The following PPL variants were observed in gnomAD, a reference collection of about 807,000 sequenced individuals.
PPL encodes the protein 190 kDa paraneoplastic pemphigus antigen.
A neutral mutation model predicts 194.4 loss-of-function variants in PPL; 198 were observed. The ratio of observed to expected loss-of-function variants is 1.02; its 90% CI spans 0.91 to 1.15. PPL has a LOEUF of 1.15. PPL is among the 50% of genes most tolerant of loss of function. The probability of loss-of-function intolerance (pLI) is 0.00; values close to 1 mark genes in which losing one functional copy is unlikely to be tolerated. For synonymous variants in PPL, 1,220 were observed against 972.4 expected (o/e 1.25, Z -4.74); for missense variants, 2,885 against 2,294.8 (o/e 1.26, Z -5.25).
chr16:4,936,609 C>G (rs2089301787), intron 1 of PPL, among the ~76,000 whole-genome samples: 1 of 152,220 alleles, frequency 6.6e-6, no homozygotes, highest in Non-Finnish European at 1.5e-5. Flanking sequence ...AAAACTCCGC[C>G]CCCTCATCCA....
intron 12 of PPL, chr16:4,893,839 C>G: frequency 1.7e-6 from 1 of 575,908 alleles, no homozygotes; most frequent in East Asian, 2.8e-5. Context: ...CCTCCTCTTT[C>G]GTAGGAAGTC....
At position 4,904,040 on chromosome 16, in the gene PPL, C is replaced by A. The variant is rs1458901680; in HGVS notation, c.163G>T (p.Asp55Tyr). ...IVDTEAKMQSDLARLQEGRQP... is the reference protein window; with the variant it reads ...IVDTEAKMQSYLARLQEGRQP... ...CGACCCTCCTGCAGCCGAGCCAGGT[C>A]CTGTGAGGGTCACAAGAGAGGGGAC... Residue 55 changes from aspartate (D) to tyrosine (Y), a missense_variant and splice_region_variant, in exon 3 of 22, where the codon GAC (aspartate) becomes TAC (tyrosine). Transcript: ENST00000345988. 1 of 1,611,006 alleles carries A rather than the reference C, an allele frequency of 6.2e-7. No homozygotes were observed. The highest frequency in any genetic ancestry group is 8.5e-7 in the Non-Finnish European group (1 of 1,179,638).
chr16:4,900,167 G>A (rs74437265), intron 6 of PPL, among the ~76,000 whole-genome samples: 182 of 152,224 alleles, frequency 1.2e-3, no homozygotes, highest in Middle Eastern at 3.4e-3. Flanking sequence ...ACAAGGAAGC[G>A]TTTGCATAAC....
rs2142316552 is a variant in PPL, at chr16:4,883,087, T to C, written c.*297A>G. On this transcript the variant is annotated 3_prime_UTR_variant, in exon 22 of 22. Coordinates refer to ENST00000345988, the MANE Select transcript of PPL (RefSeq NM_002705.5). The surrounding 1 kb of genome is among the most constrained non-coding windows in gnomAD (Gnocchi z 4.8). ...GTGGTTTTCAGATTGTGTGCAGTTA[T>C]CATGAGGAGTTTGTTGCTGGGAGTG... 2 of 386,258 alleles carry C rather than the reference T, an allele frequency of 5.2e-6. No individual in the cohort carries two copies. Among genetic ancestry groups the C allele is most frequent in the East Asian group, 6.0e-5 (1 of 16,542 alleles). 23.9% of individuals were successfully genotyped at this position (386,258 alleles called of 1,614,324 possible).
rs1029398489 is a variant in PPL, at chr16:4,885,825, G to A, written c.2830C>T (p.Pro944Ser). The A allele has an allele frequency of 9.3e-6, 15 of 1,608,046 alleles. No individual in the cohort carries two copies. The highest frequency in any genetic ancestry group is 1.2e-5 in the Non-Finnish European group (14 of 1,179,982). ...RKEVLKKVPD[P>S]VLEESFQQLQ... The stretch of plus-strand genomic sequence containing the variant: ...TGCTGGAAGCTCTCCTCCAGCACGG[G>A]ATCCGGCACCTTCTTGAGCACCTCC... The change falls in exon 22 of 22, where the codon CCC (proline) becomes TCC (serine). Residue 944 changes from proline (P) to serine (S), a missense_variant. By Grantham distance (74) the Pro-to-Ser change is moderately conservative. Transcript: ENST00000345988. The surrounding 1 kb of genome is among the most constrained non-coding windows in gnomAD (Gnocchi z 6.3).
Position 4,902,644 on chromosome 16 carries a change from C to G in PPL, c.318-118G>C. 1 of 1,204,974 alleles carries G rather than the reference C, an allele frequency of 8.3e-7. No homozygotes were observed. The highest frequency in any genetic ancestry group is 2.8e-4 in the Middle Eastern group (1 of 3,626). 74.6% of individuals were successfully genotyped at this position (1,204,974 alleles called of 1,614,324 possible). On this transcript the variant is annotated intron_variant, in intron 3 of 21. Coordinates refer to ENST00000345988, the MANE Select transcript of PPL (RefSeq NM_002705.5). This position sits in a 1 kb window ranked among gnomAD's most constrained non-coding sequence, Gnocchi z 4.0. ...TGGAAGGACACAGTGACCATATGGC[C>G]TTGGGTTCCAGACAATCACAGCATC...
chr16:4,937,085 G>A lies in PPL; in HGVS notation c.-40C>T, dbSNP rs780591032. On this transcript the variant is annotated 5_prime_UTR_variant, in exon 1 of 22. Coordinates refer to ENST00000345988, the MANE Select transcript of PPL (RefSeq NM_002705.5). ...TGCGGGCGGCGGCGGCTGGCGGGCC[G>A]GGCGCGCACCGAGGGGCGGGCGGGA... 1.8e-5 allele frequency: 22 copies of A among 1,255,036 alleles called. No homozygotes were observed. The highest frequency in any genetic ancestry group is 1.9e-5 in the Non-Finnish European group (19 of 995,406). 77.7% of individuals were successfully genotyped at this position (1,255,036 alleles called of 1,614,324 possible). A position where few individuals can be genotyped will look rare whatever the true frequency, so the allele number is the denominator to read the frequency against.
rs536444424 is a variant in PPL at position 4,903,936 on chromosome 16, C to A, written c.267G>T (p.Ala89=). 8.7e-6 allele frequency: 14 copies of A among 1,613,956 alleles called. No individual in the cohort carries two copies. The East Asian group carries it at 3.1e-4, about 36-fold the overall frequency. ...EKLLYVLEAD[A]AIAKHMKHPQ... ...GGTGCTTCATGTGCTTGGCAATGGC[C>A]GCATCCGCCTCTAGCACATAGAGCA... The change falls in exon 3 of 22, where the codon GCG becomes GCT. Residue 89 remains alanine (A), a synonymous_variant. Transcript: ENST00000345988.
chr16:4,910,097 G>T (rs1568032043), intron 2 of PPL, among the ~76,000 whole-genome samples: 1 of 152,124 alleles, frequency 6.6e-6, no homozygotes, highest in African/African-American at 2.4e-5. Flanking sequence ...CCATTCCAGC[G>T]GCTCGTGAGT....
intron 2 of PPL, among the ~76,000 whole-genome samples, chr16:4,908,477 C>T (rs945491230): frequency 4.0e-5 from 6 of 151,666 alleles, no homozygotes; most frequent in African/African-American, 1.5e-4. Context: ...AACAGATATA[C>T]ACCAATATGT....
intron 6 of PPL, among the ~76,000 whole-genome samples, chr16:4,899,873 C>T (rs150101426): frequency 0.014 from 2,177 of 152,270 alleles, 18 homozygotes; most frequent in Non-Finnish European, 0.016. Flanking sequence ...CACCACTGTA[C>T]GTCTGAGAAG....
intron 1 of PPL, among the ~76,000 whole-genome samples, chr16:4,928,685 C>G (rs572687044): frequency 6.6e-6 from 1 of 152,290 alleles, no homozygotes; most frequent in East Asian, 1.9e-4. Flanking sequence ...AAAGAAGAGA[C>G]AGGGCTTCAA....
chr16:4,931,071 A>T (rs1389599025), intron 1 of PPL, among the ~76,000 whole-genome samples: 1 of 152,130 alleles, frequency 6.6e-6, no homozygotes, highest in Non-Finnish European at 1.5e-5. Context: ...GGATCCATTT[A>T]AAGGGAAAGG....
rs983274411 is a variant in PPL, at chr16:4,891,740, G to A, written c.1968+71C>T. The A allele has an allele frequency of 1.1e-5, 16 of 1,520,880 alleles. No homozygotes were observed. The East Asian group carries it at 1.1e-4, about 11-fold the overall frequency. The allele number at this position is 1,520,880 out of a possible 1,614,324, so 94.2% of individuals were successfully genotyped here. On this transcript the variant is annotated intron_variant, in intron 16 of 21. Coordinates refer to ENST00000345988, the MANE Select transcript of PPL (RefSeq NM_002705.5). ...TGCTGGTGTCCTCATCTATCCAGAC[G>A]GGCGGGTGGATGTGCCAGATGCTCT...
chr16:4,934,413 T>A (rs1374970929), intron 1 of PPL, among the ~76,000 whole-genome samples: 2 of 152,114 alleles, frequency 1.3e-5, no homozygotes, highest in African/African-American at 2.4e-5. Context: ...CGGAAAGGGC[T>A]GCTACCCTCA....
intron 1 of PPL, among the ~76,000 whole-genome samples, chr16:4,920,128 C>G (rs2089007101): frequency 6.6e-6 from 1 of 151,214 alleles, no homozygotes; most frequent in Non-Finnish European, 1.5e-5. Context: ...TACTAAAATA[C>G]AAAAAATTAG....
chr16:4,925,451 G>C (rs576031391), intron 1 of PPL, among the ~76,000 whole-genome samples: 2 of 152,306 alleles, frequency 1.3e-5, no homozygotes, highest in African/African-American at 4.8e-5. Context: ...ATCACCCATT[G>C]ACGTCTCATA....
At chr16:4,919,004 C>G (rs1475216178) in intron 1 of PPL, among the ~76,000 whole-genome samples, 1 of 152,178 alleles carries the variant, frequency 6.6e-6, no homozygotes, top group African/African-American at 2.4e-5. Flanking sequence ...ACAGCCCTGT[C>G]CTGCCCATGC....
chr16:4,893,131 G>T, intron 14 of PPL, 82 bp downstream of exon 14: 1 of 1,411,506 alleles, frequency 7.1e-7, no homozygotes, highest in Non-Finnish European at 9.3e-7. Flanking sequence ...AAGACTCCAT[G>T]GGGAAAAGAC....
Sources: allele counts gnomAD v4.1 joint callset (sites outside exome capture counted in the v4.1 genomes callset), GRCh38; gene constraint gnomAD v4.1.1; non-coding constraint Gnocchi (gnomAD v3.1); transcripts MANE v1.5; gene names NCBI Gene and HGNC (gene_info 2026-07-23, HGNC 2026-07-21).